GALNT17: variants seen among roughly 807,000 people sequenced by gnomAD.
GALNT17 encodes the protein polypeptide N-acetylgalactosaminyltransferase 17, also known as UDP-GalNAc:polypeptide N-acetylgalactosaminyltransferase-like 3.
A neutral mutation model predicts 63.7 loss-of-function variants in GALNT17; 29 were observed. The ratio of observed to expected loss-of-function variants is 0.46; its 90% CI spans 0.34 to 0.62. GALNT17 has a LOEUF of 0.62. Ranked by LOEUF, GALNT17 falls within the 20% of genes least tolerant of loss-of-function variation. GALNT17 has a pLI of 0.01. For synonymous variants in GALNT17, 305 were observed against 318.3 expected (o/e 0.96, Z 0.45); for missense variants, 603 against 799.6 (o/e 0.75, Z 2.97).
intron 2 of GALNT17, among the ~76,000 whole-genome samples, chr7:71,364,374 TCAG>T: frequency 6.6e-6 from 1 of 152,172 alleles, no homozygotes; most frequent in African/African-American, 2.4e-5. Flanking sequence ...GTGTCTCGCT[TCAG>T]TCCTGGTTTT....
At chr7:71,280,860 C>T (rs1562967476) in intron 1 of GALNT17, among the ~76,000 whole-genome samples, 1 of 152,174 alleles carries the variant, frequency 6.6e-6, no homozygotes, top group Admixed American at 6.5e-5. Context: ...GGCTGGTCTG[C>T]ATCACATGCC....
chr7:71,710,751 C>T lies in GALNT17; in HGVS notation c.1501-10C>T. Reference sequence around the variant, plus strand: ...ACTTCCATTCCCCTGCTGCTCTGGTCTCTCGACAGCTTGCCCGCTACACCA... The same window carrying T: ...ACTTCCATTCCCCTGCTGCTCTGGTTTCTCGACAGCTTGCCCGCTACACCA... On this transcript the variant is annotated splice_polypyrimidine_tract_variant and intron_variant, in intron 9 of 10. Transcript: ENST00000333538. 1 of 1,611,420 alleles carries T rather than the reference C, an allele frequency of 6.2e-7. No individual in the cohort carries two copies. Among genetic ancestry groups the T allele is most frequent in the Non-Finnish European group, 8.5e-7 (1 of 1,179,670 alleles).
intron 1 of GALNT17, among the ~76,000 whole-genome samples, chr7:71,199,701 CCATCCAT>C (rs1388197243): frequency 2.3e-4 from 32 of 141,916 alleles, no homozygotes; most frequent in African/African-American, 5.7e-4. Flanking sequence ...ATCCATCCAT[CCATCCAT>C]CCATGTATGT....
chr7:71,531,130 AAGT>A (rs1354693322), intron 5 of GALNT17, among the ~76,000 whole-genome samples: 6 of 152,214 alleles, frequency 3.9e-5, no homozygotes, highest in Non-Finnish European at 7.3e-5. Flanking sequence ...GACATATAAA[AAGT>A]AGTACACGTA....
At chr7:71,257,241 G>A (rs536374643) in intron 1 of GALNT17, among the ~76,000 whole-genome samples, 18 of 152,182 alleles carry the variant, frequency 1.2e-4, no homozygotes, top group South Asian at 8.3e-4. Flanking sequence ...TTTTTCACAC[G>A]AGTTGTCTTA....
chr7:71,160,417 A>G (rs999677603), intron 1 of GALNT17, among the ~76,000 whole-genome samples: 6 of 152,172 alleles, frequency 3.9e-5, no homozygotes, highest in East Asian at 1.9e-4. Context: ...AGGCAGATAC[A>G]TAGTAGGCTG....
rs868603068 is a variant in GALNT17 at position 71,712,402 on chromosome 7, A to G, written c.*256A>G. The G allele has an allele frequency of 5.9e-5, 22 of 370,662 alleles. No individual in the cohort carries two copies. The Middle Eastern group carries it at 2.5e-3, about 42-fold the overall frequency. 23.0% of individuals were successfully genotyped at this position (370,662 alleles called of 1,614,324 possible). A position where few individuals can be genotyped will look rare whatever the true frequency, so the allele number is the denominator to read the frequency against. ...TGGGAAACTGACAGCTGTCTTCCAC[A>G]GCCTCTGATGTGGACCTGGTACTGA... On this transcript the variant is annotated 3_prime_UTR_variant, in exon 11 of 11. Coordinates refer to ENST00000333538, the MANE Select transcript of GALNT17 (RefSeq NM_022479.3).
chr7:71,192,398 C>CTT (rs375394634), intron 1 of GALNT17, among the ~76,000 whole-genome samples: 3 of 144,408 alleles, frequency 2.1e-5, no homozygotes, highest in African/African-American at 5.1e-5. Context: ...ATATTTAATT[C>CTT]TTTTTTTTTT....
At chr7:71,667,905 T>G (rs1169897864) in intron 7 of GALNT17, among the ~76,000 whole-genome samples, 1 of 152,020 alleles carries the variant, frequency 6.6e-6, no homozygotes, top group Non-Finnish European at 1.5e-5. Flanking sequence ...GTTCAAGCCA[T>G]CCTCCCACCT....
At chr7:71,367,193 A>C (rs951347587) in intron 2 of GALNT17, among the ~76,000 whole-genome samples, 18 of 152,158 alleles carry the variant, frequency 1.2e-4, no homozygotes, top group African/African-American at 4.1e-4. Flanking sequence ...AATCTTATCC[A>C]TCTACTTCTC....
chr7:71,687,943 C>T (rs1454860896), intron 9 of GALNT17, among the ~76,000 whole-genome samples: 2 of 152,040 alleles, frequency 1.3e-5, no homozygotes, highest in African/African-American at 4.8e-5. Flanking sequence ...AGTGATTCTC[C>T]CCCCTCAGCC....
At chr7:71,446,470 C>T (rs1320133709) in intron 5 of GALNT17, among the ~76,000 whole-genome samples, 1 of 152,052 alleles carries the variant, frequency 6.6e-6, no homozygotes, top group Non-Finnish European at 1.5e-5. Flanking sequence ...TTCATATAAA[C>T]ATTTTGTATG....
chr7:71,263,295 G>C (rs1790420101), intron 1 of GALNT17, among the ~76,000 whole-genome samples: 1 of 151,784 alleles, frequency 6.6e-6, no homozygotes, highest in South Asian at 2.1e-4. Context: ...GGAGGCGGAG[G>C]TTGCAGTGAG....
intron 5 of GALNT17, among the ~76,000 whole-genome samples, chr7:71,569,215 CT>C (rs1406064461): frequency 6.6e-6 from 1 of 152,140 alleles, no homozygotes; most frequent in African/African-American, 2.4e-5. Flanking sequence ...TGTGATCCCC[CT>C]GCCTCGGCCT....
intron 2 of GALNT17, among the ~76,000 whole-genome samples, chr7:71,367,801 C>T (rs955559189): frequency 6.6e-6 from 1 of 152,234 alleles, no homozygotes; most frequent in African/African-American, 2.4e-5. Context: ...GCCAACGATG[C>T]AGTCAGCTGC....
chr7:71,556,225 C>G (rs1048148431), intron 5 of GALNT17, among the ~76,000 whole-genome samples: 3 of 152,190 alleles, frequency 2.0e-5, no homozygotes, highest in African/African-American at 7.2e-5. Flanking sequence ...TTGCTGTCAC[C>G]TGACTGTCCT....
intron 5 of GALNT17, among the ~76,000 whole-genome samples, chr7:71,533,449 T>C (rs1446977566): frequency 2.0e-5 from 3 of 152,204 alleles, no homozygotes; most frequent in African/African-American, 7.2e-5. Context: ...TTCCACAGAC[T>C]CTCATCCTCA....
chr7:71,213,365 A>G (rs1349052906), intron 1 of GALNT17, among the ~76,000 whole-genome samples: 2 of 152,216 alleles, frequency 1.3e-5, no homozygotes, highest in Non-Finnish European at 2.9e-5. Flanking sequence ...TTTGCTTCCT[A>G]GTCCCAGTGT....
At chr7:71,185,890 A>G (rs1788842324) in intron 1 of GALNT17, among the ~76,000 whole-genome samples, 1 of 152,202 alleles carries the variant, frequency 6.6e-6, no homozygotes, top group South Asian at 2.1e-4. Context: ...GTCATTGTGA[A>G]GTTTAGAGAG....
Sources: gnomAD v4.1 joint callset for allele counts (sites outside exome capture counted in the v4.1 genomes callset) on GRCh38, gnomAD v4.1.1 for gene constraint, MANE v1.5 for transcripts, NCBI Gene and HGNC (gene_info 2026-07-23, HGNC 2026-07-21) for gene names.